WDCP: variants seen among roughly 807,000 people sequenced by gnomAD.
WDCP encodes the protein WD repeat and coiled coil containing.
A neutral mutation model predicts 41.6 loss-of-function variants in WDCP; 19 were observed. The observed-to-expected ratio is 0.46, with a 90% CI of 0.32 to 0.67. WDCP has a LOEUF of 0.67. Among genes scored for constraint, WDCP ranks in the 30% least tolerant of loss-of-function variants. The probability of loss-of-function intolerance (pLI) is 0.04; values close to 1 mark genes in which losing one functional copy is unlikely to be tolerated. For synonymous variants in WDCP, 302 were observed against 320.8 expected, an observed-to-expected ratio of 0.94 and a Z score of 0.63; for missense variants, 802 against 850.7, an observed-to-expected ratio of 0.94 and a Z score of 0.71.
chr2:24,037,212 A>G (rs1235999276), intron 2 of WDCP, among the ~76,000 whole-genome samples: 1 of 152,090 alleles, frequency 6.6e-6, no homozygotes, highest in Non-Finnish European at 1.5e-5. Context: ...TGTTAGAGAC[A>G]GGGTTTCACC....
rs1429303273 is a variant in WDCP at position 24,039,490 on chromosome 2, T to G, written c.5A>C (p.Glu2Ala). The G allele has an allele frequency of 6.2e-7, 1 of 1,609,094 alleles. No individual in the cohort carries two copies. Among genetic ancestry groups the G allele is most frequent in the Non-Finnish European group, 8.5e-7 (1 of 1,176,018 alleles). Residue 2 changes from glutamate to alanine, a missense_variant, in exon 2 of 4, where the codon GAG becomes GCG. This residue lies in a region of WDCP where 214 missense variants were observed against 252.9 expected (regional missense o/e 0.85). Transcript: ENST00000295148. Reference protein sequence around the residue: MELGKGKLLRTG... With the variant: MALGKGKLLRTG... Reference sequence around the variant, plus strand: ...CCTGAGTAGTTTTCCTTTTCCCAACTCCATCCTTTTGATAAAGGTTACCTG... The same window carrying G: ...CCTGAGTAGTTTTCCTTTTCCCAACGCCATCCTTTTGATAAAGGTTACCTG...
intron 2 of WDCP, chr2:24,033,155 C>T: frequency 1.5e-6 from 1 of 645,664 alleles, no homozygotes; most frequent in Non-Finnish European, 2.9e-6. Flanking sequence ...TTTTGTTCTA[C>T]TCTTTCCTCA....
chr2:24,037,552 C>T, intron 2 of WDCP, 125 bp downstream of exon 2: 2 of 1,127,164 alleles, frequency 1.8e-6, no homozygotes, highest in Non-Finnish European at 2.5e-6. Context: ...TTGCCTGTAA[C>T]ATAACATGCC....
At chr2:24,037,650 G>C (rs549738600) in intron 2 of WDCP, 27 bp downstream of exon 2, 63 of 1,582,250 alleles carry the variant, frequency 4.0e-5, no homozygotes, top group Admixed American at 8.9e-5. Flanking sequence ...TTTATGTATA[G>C]TGGTAGTTCC....
At chr2:24,032,519 A>G (rs1457573016) in intron 3 of WDCP, among the ~76,000 whole-genome samples, 1 of 152,028 alleles carries the variant, frequency 6.6e-6, no homozygotes, top group Non-Finnish European at 1.5e-5. Context: ...ACAAACAAAC[A>G]AACAAACAAA....
Position 24,030,946 on chromosome 2 carries a change from T to C in WDCP, c.2153A>G (p.Asp718Gly). 6 of 1,613,742 alleles carry C rather than the reference T, an allele frequency of 3.7e-6. No individual in the cohort carries two copies. Among genetic ancestry groups the C allele is most frequent in the Non-Finnish European group, 5.1e-6 (6 of 1,179,664 alleles). Residue 718 changes from aspartate to glycine, a missense_variant, in exon 4 of 4, where the codon GAT becomes GGT. Physicochemically the swap from Asp to Gly is moderately conservative, Grantham distance 94. Around this residue, in one of 5 missense-constraint regions of WDCP, gnomAD observed 321 missense variants for 305.1 expected, o/e 1.05. Coordinates refer to ENST00000295148, the MANE Select transcript of WDCP (RefSeq NM_025203.3). The part of the protein sequence containing the change: ...LDTTGCCNHV[D>G]GMA The stretch of plus-strand genomic sequence containing the variant: ...ACACTGCAGATATCAAGCCATGCCA[T>C]CTACATGGTTACAACAGCCAGTGGT...
chr2:24,033,112 TA>T (rs1452403422), intron 2 of WDCP, 166 bp from the exon 3 acceptor site: 1 of 704,374 alleles, frequency 1.4e-6, no homozygotes, highest in Non-Finnish European at 2.6e-6. Flanking sequence ...TTAACACAAC[TA>T]AAAAATCCGA....
rs1276241854 is a variant in WDCP at position 24,036,007 on chromosome 2, T to TGCAGCGA, written c.1818+1663_1818+1669dup. ...TTGCTAGAACCTGGGAGTTGGAGGT[T>TGCAGCGA]GCAGCGAGCTGAGATCGCGCCACTG... On this transcript the variant is annotated intron_variant, in intron 2 of 3. Coordinates refer to ENST00000295148, the MANE Select transcript of WDCP (RefSeq NM_025203.3). 2.7e-5 allele frequency among the ~76,000 whole-genome samples: 4 copies of TGCAGCGA among 150,658 alleles called. No homozygotes were observed. In the East Asian group the frequency reaches 7.9e-4, roughly 30 times the overall value.
chr2:24,043,321 G>A (rs761700859), intron 1 of WDCP, among the ~76,000 whole-genome samples: 2 of 152,234 alleles, frequency 1.3e-5, no homozygotes, highest in Admixed American at 6.5e-5. Flanking sequence ...GGACAACAGA[G>A]TGAGACTCGG....
chr2:24,043,177 T>C (rs531903857), intron 1 of WDCP, among the ~76,000 whole-genome samples: 1 of 151,072 alleles, frequency 6.6e-6, no homozygotes, highest in African/African-American at 2.4e-5. Flanking sequence ...CTACTAAAAA[T>C]ACAAAAAAAT....
intron 2 of WDCP, among the ~76,000 whole-genome samples, chr2:24,035,753 G>GTTAAAAAAAAATTTTTTTTAA (rs1178554546): frequency 6.6e-6 from 1 of 151,474 alleles, no homozygotes; most frequent in Non-Finnish European, 1.5e-5. Flanking sequence ...TGTCTCTATA[G>GTTAAAAAAAAATTTTTTTTAA]TTAAAAAAAA....
At chr2:24,033,000 C>A in intron 2 of WDCP, 54 bp from the exon 3 acceptor site, 1 of 1,090,998 alleles carries the variant, frequency 9.2e-7, no homozygotes, top group Non-Finnish European at 1.4e-6. Context: ...ATCGAGTTAA[C>A]ATTTCTTAAG....
In WDCP at chr2:24,038,169, A is replaced by C. The variant is rs200416916; in HGVS notation, c.1326T>G (p.Gly442=). The change falls in exon 2 of 4, where the codon GGT becomes GGG. Residue 442 remains glycine (G), a synonymous_variant. Coordinates refer to ENST00000295148, the MANE Select transcript of WDCP (RefSeq NM_025203.3). Reference sequence around the variant, plus strand: ...AAGTAGAGTAGGTAGTCTGGCTTTCACCTGATGTTATTGAAGGTTCTTCTT... The same window carrying C: ...AAGTAGAGTAGGTAGTCTGGCTTTCCCCTGATGTTATTGAAGGTTCTTCTT... ...MLEEEPSITS[G]ESQTTYSTFS... is the part of the protein sequence containing the mutation. The C allele has an allele frequency of 1.1e-5, 18 of 1,614,092 alleles. No homozygotes were observed. Among genetic ancestry groups the C allele is most frequent in the Non-Finnish European group, 1.4e-5 (17 of 1,180,038 alleles).
rs1172744272 is a variant in WDCP, at chr2:24,039,348, C to T, written c.147G>A (p.Gly49=). 1 of 1,614,114 alleles carries T rather than the reference C, an allele frequency of 6.2e-7. No individual in the cohort carries two copies. Among genetic ancestry groups the T allele is most frequent in the Non-Finnish European group, 8.5e-7 (1 of 1,180,038 alleles). ...LRLHSGEVKF[G]DSKVIGQFEC... ...CAAACTGTCCAATGACTTTGGAGTC[C>T]CCAAACTTGACCTCTCCACTGTGAA... Residue 49 remains glycine, a synonymous_variant, in exon 2 of 4, where the codon GGG becomes GGA. Transcript: ENST00000295148.
intron 1 of WDCP, among the ~76,000 whole-genome samples, chr2:24,040,350 T>C (rs1663391443): frequency 6.6e-6 from 1 of 152,190 alleles, no homozygotes; most frequent in Admixed American, 6.5e-5. Context: ...CTTTCAACTT[T>C]TAAGTTAGAA....
intron 2 of WDCP, among the ~76,000 whole-genome samples, chr2:24,036,509 T>G (rs191790189): frequency 2.2e-4 from 33 of 152,332 alleles, no homozygotes; most frequent in Non-Finnish European, 2.8e-4. Flanking sequence ...GTAAAAATCT[T>G]TGAGAGGCAA....
In WDCP at chr2:24,039,099, A is replaced by C; in HGVS notation, c.396T>G (p.Thr132=). The change falls in exon 2 of 4, where the codon ACT becomes ACG. Residue 132 remains threonine (T), a synonymous_variant. Coordinates refer to ENST00000295148, the MANE Select transcript of WDCP (RefSeq NM_025203.3). The stretch of plus-strand genomic sequence containing the variant: ...TAGGGAAAATGGAGACATCCTGAGC[A>C]GTCAACACAGTCAGAATAGCACATT... The part of the protein sequence containing the change: ...HPKCAILTVL[T]AQDVSIFPNV... 2 of 1,614,244 alleles carry C rather than the reference A, an allele frequency of 1.2e-6. No homozygotes were observed. Among genetic ancestry groups the C allele is most frequent in the Non-Finnish European group, 1.7e-6 (2 of 1,180,050 alleles).
In WDCP at chr2:24,038,742, T is replaced by C; in HGVS notation, c.753A>G (p.Leu251=). 1 of 1,614,210 alleles carries C rather than the reference T, an allele frequency of 6.2e-7. No homozygotes were observed. The part of the protein sequence containing the change: ...PNSKDMTPYA[L]PVIGEVRSMD... ...TAGAGCGTACTTCACCAATAACTGG[T>C]AAAGCATACGGAGTCATGTCTTTAC... is the stretch of plus-strand genomic sequence containing the variant. The change falls in exon 2 of 4, where the codon TTA becomes TTG. Residue 251 remains leucine, a synonymous_variant. Coordinates refer to ENST00000295148, the MANE Select transcript of WDCP (RefSeq NM_025203.3).
rs779689605 is a variant in WDCP at position 24,038,239 on chromosome 2, G to C, written c.1256C>G (p.Ser419Cys). Residue 419 changes from serine to cysteine, a missense_variant, in exon 2 of 4, where the codon TCT (serine) becomes TGT (cysteine). Physicochemically the swap from Ser to Cys is moderately radical, Grantham distance 112. This residue lies in a region of WDCP where 247 missense variants were observed against 240.5 expected (regional missense o/e 1.03). Transcript: ENST00000295148. ...AATCAAGCTAATGGCATACTGATCA[G>C]ACTTTGAAGAAGGAAGAAATGTTGT... is the stretch of plus-strand genomic sequence containing the variant. ...TDTTFLPSSK[S>C]DQYAISLIVR... 6.2e-7 allele frequency: 1 copy of C among 1,614,084 alleles called. No homozygotes were observed. The highest frequency in any genetic ancestry group is 8.5e-7 in the Non-Finnish European group (1 of 1,179,966).
Sources: allele counts gnomAD v4.1 joint callset (sites outside exome capture counted in the v4.1 genomes callset), GRCh38; gene constraint gnomAD v4.1.1; regional missense constraint gnomAD v4.1.1; transcripts MANE v1.5; gene names NCBI Gene and HGNC (gene_info 2026-07-23, HGNC 2026-07-21).